Variants in CYP4B1 observed in about 807,000 individuals in gnomAD.
CYP4B1 encodes the protein cytochrome P450 4B1.
A neutral mutation model predicts 54.0 loss-of-function variants in CYP4B1; 45 were observed. The ratio of observed to expected loss-of-function variants is 0.83; its 90% CI spans 0.66 to 1.07. The LOEUF is 1.07. Ranked by LOEUF, CYP4B1 falls within the 50% of genes least tolerant of loss-of-function variation. The pLI, the probability that CYP4B1 is intolerant of heterozygous loss-of-function variation, is 0.00. For synonymous variants in CYP4B1, 248 were observed against 247.5 expected, an observed-to-expected ratio of 1.00 and a Z score of -0.02; for missense variants, 656 against 655.4, an observed-to-expected ratio of 1.00 and a Z score of -0.01.
chr1:46,813,801 G>T, intron 5 of CYP4B1, 108 bp from the exon 6 acceptor site: 1 of 1,455,850 alleles, frequency 6.9e-7, no homozygotes, highest in South Asian at 1.3e-5. Flanking sequence ...GCAGGGAGAA[G>T]AAGAGCAGGA....
chr1:46,813,019 C>T (rs1679174454), intron 4 of CYP4B1, among the ~76,000 whole-genome samples: 1 of 152,198 alleles, frequency 6.6e-6, no homozygotes, highest in African/African-American at 2.4e-5. Flanking sequence ...TCTACCACAG[C>T]TGCCCAGAAT....
Position 46,810,872 on chromosome 1 carries a change from C to T in CYP4B1, c.245C>T (p.Pro82Leu), listed in dbSNP as rs942315525. 46 of 1,614,024 alleles carry T rather than the reference C, an allele frequency of 2.9e-5. No homozygotes were observed. Among genetic ancestry groups the T allele is most frequent in the Non-Finnish European group, 3.9e-5 (46 of 1,180,010 alleles). ...SWAHQFPYAH[P>L]LWFGQFIGFL... ...GCCCACCAGTTCCCGTATGCCCACC[C>T]ACTCTGGTTCGGACAGTTCATTGGC... Residue 82 changes from proline (P) to leucine (L), a missense_variant, in exon 2 of 12, where the codon CCA becomes CTA. Transcript: ENST00000371923.
chr1:46,817,429 G>T (rs1679380869), intron 9 of CYP4B1: 1 of 546,164 alleles, frequency 1.8e-6, no homozygotes, highest in Admixed American at 3.2e-5. Flanking sequence ...GGATTAAAGA[G>T]AATGTTCACC....
At chr1:46,812,295 C>T (rs559681215) in intron 3 of CYP4B1, 220 of 697,698 alleles carry the variant, frequency 3.2e-4, no homozygotes, top group Non-Finnish European at 5.3e-4. Context: ...AAGGAAGGAG[C>T]TCACTCAGCC....
intron 8 of CYP4B1, 139 bp from the exon 9 acceptor site, chr1:46,816,909 C>T (rs1679355770): frequency 7.2e-6 from 7 of 973,244 alleles, no homozygotes; most frequent in Non-Finnish European, 1.1e-5. Context: ...CTAGCCTGGC[C>T]AGGGGCACTT....
At chr1:46,810,970 T>A (rs772844986) in intron 2 of CYP4B1, 21 bp downstream of exon 2, 1 of 1,613,352 alleles carries the variant, frequency 6.2e-7, no homozygotes, top group East Asian at 2.2e-5. Context: ...AGGATGGGGA[T>A]CTCAGGAGAG....
chr1:46,800,955 C>T (rs189397727), intron 1 of CYP4B1, among the ~76,000 whole-genome samples: 28 of 152,258 alleles, frequency 1.8e-4, no homozygotes, highest in African/African-American at 6.7e-4. Context: ...TCTGCCTTAG[C>T]CGCATTATTT....
At chr1:46,816,801 G>A (rs1372992740) in intron 8 of CYP4B1, among the ~76,000 whole-genome samples, 1 of 152,110 alleles carries the variant, frequency 6.6e-6, no homozygotes, top group Non-Finnish European at 1.5e-5. Context: ...TTCATCTCTA[G>A]GGTCCTGTGC....
chr1:46,799,142 A>G lies in CYP4B1; in HGVS notation c.61A>G (p.Ile21Val). ...SSLGLWASGLILVLGFLKLIH... is the reference protein window; with the variant it reads ...SSLGLWASGLVLVLGFLKLIH... ...CTTGGGCCTGTGGGCTTCTGGGCTG[A>G]TCTTGGTCTTAGGCTTTCTCAAGCT... The change falls in exon 1 of 12, where the codon ATC (isoleucine) becomes GTC (valine). Residue 21 changes from isoleucine (I) to valine (V), a missense_variant. Coordinates refer to ENST00000371923, the MANE Select transcript of CYP4B1 (RefSeq NM_001099772.2). 6.2e-7 allele frequency: 1 copy of G among 1,613,884 alleles called. No individual in the cohort carries two copies. Among genetic ancestry groups the G allele is most frequent in the Non-Finnish European group, 8.5e-7 (1 of 1,179,950 alleles).
rs775195194 is a variant in CYP4B1 at position 46,811,200 on chromosome 1, C to T, written c.367+16C>T. 12 of 1,613,354 alleles carry T rather than the reference C, an allele frequency of 7.4e-6. No homozygotes were observed. Among genetic ancestry groups the T allele is most frequent in the Non-Finnish European group, 1.0e-5 (12 of 1,179,452 alleles). On this transcript the variant is annotated intron_variant, in intron 3 of 11. Transcript: ENST00000371923. ...CAGTGGATTGGTGAGTGAGCACCTG[C>T]CTTCCCTGCCCTGCCAACCTCAGAC...
Position 46,818,192 on chromosome 1 carries a change from T to G in CYP4B1, c.1334T>G (p.Met445Arg), listed in dbSNP as rs1679415401. The G allele has an allele frequency of 6.2e-7, 1 of 1,614,142 alleles. No homozygotes were observed. Among genetic ancestry groups the G allele is most frequent in the Non-Finnish European group, 8.5e-7 (1 of 1,179,996 alleles). Residue 445 changes from methionine (M) to arginine (R), a missense_variant, in exon 11 of 12, where the codon ATG becomes AGG. Coordinates refer to ENST00000371923, the MANE Select transcript of CYP4B1 (RefSeq NM_001099772.2). Reference protein sequence around the residue: ...NASKRHPFAFMPFSAGPRNCI... With the variant: ...NASKRHPFAFRPFSAGPRNCI... The stretch of plus-strand genomic sequence containing the variant: ...TCCAAACGCCATCCCTTTGCCTTTA[T>G]GCCCTTCTCTGCTGGGCCCAGGTAT...
chr1:46,814,934 G>A (rs1679271337), intron 7 of CYP4B1, 140 bp from the exon 8 acceptor site: 1 of 687,310 alleles, frequency 1.5e-6, no homozygotes. Flanking sequence ...TAGGAATCTG[G>A]GGGAAGGTCC....
chr1:46,802,635 C>T (rs1300086398), intron 1 of CYP4B1, among the ~76,000 whole-genome samples: 1 of 152,162 alleles, frequency 6.6e-6, no homozygotes, highest in Non-Finnish European at 1.5e-5. Flanking sequence ...AGATATGGTC[C>T]CTCTTTCCTA....
In CYP4B1 at chr1:46,811,187, G is replaced by A. The variant is rs776053077; in HGVS notation, c.367+3G>A. ...TGACTTCTTCCTCCAGTGGATTGGT[G>A]AGTGAGCACCTGCCTTCCCTGCCCT... On this transcript the variant is annotated splice_donor_region_variant and intron_variant, in intron 3 of 11. Coordinates refer to ENST00000371923, the MANE Select transcript of CYP4B1 (RefSeq NM_001099772.2). 6.2e-7 allele frequency: 1 copy of A among 1,614,118 alleles called. No individual in the cohort carries two copies. Among genetic ancestry groups the A allele is most frequent in the South Asian group, 1.1e-5 (1 of 91,074 alleles).
chr1:46,810,094 C>T (rs762156078), intron 1 of CYP4B1, among the ~76,000 whole-genome samples: 5 of 152,162 alleles, frequency 3.3e-5, no homozygotes, highest in Non-Finnish European at 5.9e-5. Context: ...TCTGTTTTCT[C>T]ACCTGGAATG....
At chr1:46,812,250 G>A (rs1295262078) in intron 3 of CYP4B1, 1 of 644,284 alleles carries the variant, frequency 1.6e-6, no homozygotes, top group East Asian at 3.1e-5. Flanking sequence ...CTTTGTGGGT[G>A]CAGCTGAGAT....
intron 1 of CYP4B1, among the ~76,000 whole-genome samples, chr1:46,809,421 A>G (rs1179575771): frequency 1.3e-5 from 2 of 152,242 alleles, no homozygotes; most frequent in Non-Finnish European, 2.9e-5. Flanking sequence ...GGATACTATC[A>G]GTGAATAGGT....
At chr1:46,810,699 G>A (rs1679061400) in intron 1 of CYP4B1, 109 bp from the exon 2 acceptor site, 1 of 1,203,514 alleles carries the variant, frequency 8.3e-7, no homozygotes, top group African/African-American at 1.5e-5. Context: ...AGGTAAGGAA[G>A]CAACCAGGGC....
rs1450137102 is a variant in CYP4B1, at chr1:46,811,156, T to G, written c.339T>G (p.Asp113Glu). 6.2e-7 allele frequency: 1 copy of G among 1,613,984 alleles called. No homozygotes were observed. Among genetic ancestry groups the G allele is most frequent in the Non-Finnish European group, 8.5e-7 (1 of 1,180,006 alleles). Residue 113 changes from aspartate to glutamate, a missense_variant, in exon 3 of 12, where the codon GAT (aspartate) becomes GAG (glutamate). Coordinates refer to ENST00000371923, the MANE Select transcript of CYP4B1 (RefSeq NM_001099772.2). Reference protein sequence around the residue: ...VYSRGDPKAPDVYDFFLQWIG... With the variant: ...VYSRGDPKAPEVYDFFLQWIG... ...CTCCTGCAGACCCTAAGGCCCCTGA[T>G]GTGTATGACTTCTTCCTCCAGTGGA...
Sources: allele counts gnomAD v4.1 joint callset (sites outside exome capture counted in the v4.1 genomes callset), GRCh38; gene constraint gnomAD v4.1.1; transcripts MANE v1.5; gene names NCBI Gene and HGNC (gene_info 2026-07-23, HGNC 2026-07-21).